Variants in EFR3B observed in about 807,000 individuals in gnomAD.
EFR3B encodes protein EFR3 homolog B.
Under a neutral mutation model 104.7 loss-of-function variants are expected in EFR3B, and 64 were observed. The ratio of observed to expected loss-of-function variants is 0.61; its 90% CI spans 0.50 to 0.75. The LOEUF (loss-of-function observed/expected upper bound fraction) is 0.75, where lower values mean the gene tolerates loss of function less well. Ranked by LOEUF, EFR3B falls within the 30% of genes least tolerant of loss-of-function variation. EFR3B has a pLI of 0.00. For synonymous variants in EFR3B, 385 were observed against 417.9 expected (o/e 0.92, Z 0.96); for missense variants, 750 against 1,078.5 (o/e 0.70, Z 4.27).
chr2:25,108,107 T>C (rs1339313415), intron 4 of EFR3B, among the ~76,000 whole-genome samples: 2 of 152,160 alleles, frequency 1.3e-5, no homozygotes, highest in Non-Finnish European at 2.9e-5. Flanking sequence ...GTGCTGGGAT[T>C]ACAGGTGTGA....
chr2:25,131,970 GGGGAGGGACGGGAC>G lies in EFR3B; in HGVS notation c.1147+63_1147+76del. On this transcript the variant is annotated intron_variant, in intron 10 of 22. Coordinates refer to ENST00000403714, the MANE Select transcript of EFR3B (RefSeq NM_014971.2). The surrounding 1 kb of genome is among the most constrained non-coding windows in gnomAD (Gnocchi z 7.6). The stretch of plus-strand genomic sequence containing the variant: ...GCCGAGGCGCGGAGTGGGGAGGGGA[GGGGAGGGACGGGAC>G]GGGGCCCAGGGGCTCAAGACTGAGG... 1 of 1,266,190 alleles carries G rather than the reference GGGGAGGGACGGGAC, an allele frequency of 7.9e-7. No homozygotes were observed. Among genetic ancestry groups the G allele is most frequent in the Non-Finnish European group, 1.0e-6 (1 of 977,622 alleles). The allele number at this position is 1,266,190 out of a possible 1,614,324, so 78.4% of individuals were successfully genotyped here.
At chr2:25,117,093 G>A (rs1039787143) in intron 4 of EFR3B, among the ~76,000 whole-genome samples, 2 of 152,182 alleles carry the variant, frequency 1.3e-5, no homozygotes, top group Non-Finnish European at 2.9e-5. Context: ...GTTGAACGTG[G>A]AGGGGTCTTG....
intron 1 of EFR3B, among the ~76,000 whole-genome samples, chr2:25,053,671 G>A (rs1435080877): frequency 6.6e-6 from 1 of 152,226 alleles, no homozygotes; most frequent in African/African-American, 2.4e-5. Flanking sequence ...TTGGGAGGCT[G>A]AGGTGGGCGG....
At chr2:25,083,712 T>C (rs1219324026) in intron 1 of EFR3B, among the ~76,000 whole-genome samples, 1 of 152,182 alleles carries the variant, frequency 6.6e-6, no homozygotes, top group African/African-American at 2.4e-5. Flanking sequence ...GTGTGGAGTA[T>C]TGCACAGGGC....
chr2:25,133,144 A>G, intron 11 of EFR3B, 130 bp downstream of exon 11: 1 of 950,958 alleles, frequency 1.1e-6, no homozygotes, highest in Non-Finnish European at 1.6e-6. Flanking sequence ...ATCCCTCAGC[A>G]GCCTTTAATG....
At chr2:25,141,264 G>A (rs1670658635) in intron 16 of EFR3B, 102 bp from the exon 17 acceptor site, 1 of 1,237,182 alleles carries the variant, frequency 8.1e-7, no homozygotes, top group Non-Finnish European at 1.1e-6. Context: ...AGGAGGCTGT[G>A]GGAGGGAGGA....
intron 1 of EFR3B, among the ~76,000 whole-genome samples, chr2:25,051,889 C>T (rs1285816339): frequency 6.6e-6 from 1 of 150,492 alleles, no homozygotes; most frequent in Non-Finnish European, 1.5e-5. Flanking sequence ...ATCCGCCCAC[C>T]TCGGCCTCCC....
chr2:25,073,037 G>C (rs1194492462), intron 1 of EFR3B, among the ~76,000 whole-genome samples: 1 of 152,190 alleles, frequency 6.6e-6, no homozygotes, highest in Admixed American at 6.6e-5. Flanking sequence ...AAACAATATG[G>C]AAAAGATTTG....
intron 1 of EFR3B, among the ~76,000 whole-genome samples, chr2:25,056,868 C>A (rs1321059397): frequency 6.6e-6 from 1 of 152,162 alleles, no homozygotes; most frequent in African/African-American, 2.4e-5. Flanking sequence ...TCTATTTTAT[C>A]AAGGACATTT....
chr2:25,069,026 C>T (rs1419341952), intron 1 of EFR3B, among the ~76,000 whole-genome samples: 2 of 151,636 alleles, frequency 1.3e-5, no homozygotes, highest in Admixed American at 6.6e-5. Context: ...CTCCGCCTCC[C>T]GGATTCAAGT....
At chr2:25,059,863 A>G (rs78557342) in intron 1 of EFR3B, among the ~76,000 whole-genome samples, 12,523 of 140,026 alleles carry the variant, frequency 0.089, 785 homozygotes, top group East Asian at 0.22. Flanking sequence ...CAACAAGAGC[A>G]AAACTCTGTC....
chr2:25,105,286 G>A (rs900890082), intron 4 of EFR3B, among the ~76,000 whole-genome samples: 1 of 152,142 alleles, frequency 6.6e-6, no homozygotes, highest in Non-Finnish European at 1.5e-5. Context: ...CCAAGTAGCT[G>A]GGATTATAGG....
rs1573231520 is a variant in EFR3B at position 25,137,936 on chromosome 2, C to T, written c.1722+434C>T. On this transcript the variant is annotated intron_variant, in intron 15 of 22. Coordinates refer to ENST00000403714, the MANE Select transcript of EFR3B (RefSeq NM_014971.2). The surrounding 1 kb of genome is among the most constrained non-coding windows in gnomAD (Gnocchi z 4.7). ...CCTGTAATCCCAGCACTTTGGGAGG[C>T]CGAGGTGGGTGGACCACTTGAGGTC... Among the ~76,000 whole-genome samples the T allele has an allele frequency of 6.6e-6, 1 of 152,228 alleles. No individual in the cohort carries two copies. The highest frequency in any genetic ancestry group is 6.5e-5 in the Admixed American group (1 of 15,288).
intron 1 of EFR3B, among the ~76,000 whole-genome samples, chr2:25,086,686 G>A (rs528553037): frequency 6.6e-6 from 1 of 152,052 alleles, no homozygotes; most frequent in Non-Finnish European, 1.5e-5. Context: ...TCTGCCTCCT[G>A]GGTTCAAGTG....
At chr2:25,080,325 GCTCT>G in intron 1 of EFR3B, 1 of 416,898 alleles carries the variant, frequency 2.4e-6, no homozygotes, top group Non-Finnish European at 3.4e-6. Context: ...ATGGAGTTTT[GCTCT>G]TGTCGTCCAG....
chr2:25,084,619 G>A (rs191063738), intron 1 of EFR3B, among the ~76,000 whole-genome samples: 1 of 152,280 alleles, frequency 6.6e-6, no homozygotes, highest in African/African-American at 2.4e-5. Flanking sequence ...CTGACGACAT[G>A]TGCCCAAGGT....
Position 25,119,022 on chromosome 2 carries a change from T to C in EFR3B, c.364-2651T>C, listed in dbSNP as rs144231848. The stretch of plus-strand genomic sequence containing the variant: ...CATTTGAGTCTACACAGTCACTACA[T>C]GCTGGGGACAAAGTCTGTGTTTGTT... On this transcript the variant is annotated intron_variant, in intron 4 of 22. Coordinates refer to ENST00000403714, the MANE Select transcript of EFR3B (RefSeq NM_014971.2). 1.0e-3 allele frequency among the ~76,000 whole-genome samples: 154 copies of C among 152,334 alleles called. 4 individuals carry two copies. In the East Asian group the frequency reaches 0.022, roughly 21 times the overall value.
At chr2:25,117,161 C>A (rs986222627) in intron 4 of EFR3B, among the ~76,000 whole-genome samples, 1 of 152,006 alleles carries the variant, frequency 6.6e-6, no homozygotes, top group Non-Finnish European at 1.5e-5. Flanking sequence ...TGTAGGGAGG[C>A]GAGAGGAAGA....
chr2:25,130,010 A>C lies in EFR3B; in HGVS notation c.671A>C (p.Glu224Ala). 1 of 1,551,698 alleles carries C rather than the reference A, an allele frequency of 6.4e-7. No homozygotes were observed. The highest frequency in any genetic ancestry group is 8.7e-7 in the Non-Finnish European group (1 of 1,146,980). Residue 224 changes from glutamate (E) to alanine (A), a missense_variant, in exon 7 of 23, where the codon GAG becomes GCG. Coordinates refer to ENST00000403714, the MANE Select transcript of EFR3B (RefSeq NM_014971.2). The surrounding 1 kb of genome is among the most constrained non-coding windows in gnomAD (Gnocchi z 4.6). ...SPSPLQAPEK[E>A]KESPAELAER... is the part of the protein sequence containing the mutation. The stretch of plus-strand genomic sequence containing the variant: ...TCACCCCTCCAAGCACCTGAGAAGG[A>C]GAAAGAGAGCCCCGCGGAGCTGGCT...
Sources: gnomAD v4.1 joint callset for allele counts (sites outside exome capture counted in the v4.1 genomes callset) on GRCh38, gnomAD v4.1.1 for gene constraint, Gnocchi (gnomAD v3.1) non-coding constraint, MANE v1.5 for transcripts, NCBI Gene and HGNC (gene_info 2026-07-23, HGNC 2026-07-21) for gene names.